Variants in PRKAA2 observed in about 807,000 individuals in gnomAD.
PRKAA2 encodes 5'-AMP-activated protein kinase catalytic subunit alpha-2.
Under a neutral mutation model 56.3 loss-of-function variants are expected in PRKAA2, and 40 were observed. That is an observed-to-expected ratio of 0.71 (90% CI 0.55 to 0.92). The LOEUF (loss-of-function observed/expected upper bound fraction) is 0.92. PRKAA2 is among the 40% of genes least tolerant of loss of function. The pLI is 0.00. For synonymous variants in PRKAA2, 214 were observed against 234.2 expected (o/e 0.91, Z 0.79); for missense variants, 542 against 686.9 (o/e 0.79, Z 2.36).
chr1:56,655,435 TTGAGTA>T (rs1643934518), intron 1 of PRKAA2, among the ~76,000 whole-genome samples: 2 of 150,182 alleles, frequency 1.3e-5, no homozygotes, highest in Non-Finnish European at 3.0e-5. Context: ...TTTAATGTGT[TTGAGTA>T]TAAGTTGGAA....
At chr1:56,703,136 G>A (rs1445935058) in intron 6 of PRKAA2, among the ~76,000 whole-genome samples, 1 of 152,126 alleles carries the variant, frequency 6.6e-6, no homozygotes, top group African/African-American at 2.4e-5. Flanking sequence ...CAAGCACAAA[G>A]GCCCAGAAGT....
intron 6 of PRKAA2, among the ~76,000 whole-genome samples, chr1:56,697,165 C>T (rs1569784659): frequency 6.6e-6 from 1 of 151,682 alleles, no homozygotes; most frequent in East Asian, 1.9e-4. Context: ...AGGCACAAGC[C>T]ACCACACCCA....
intron 1 of PRKAA2, among the ~76,000 whole-genome samples, chr1:56,659,576 C>T (rs954058695): frequency 8.6e-5 from 13 of 151,388 alleles, no homozygotes; most frequent in Admixed American, 4.6e-4. Flanking sequence ...CACAAATTAA[C>T]GTTTTAAAGA....
chr1:56,699,680 A>G (rs937761665), intron 6 of PRKAA2, among the ~76,000 whole-genome samples: 4 of 152,196 alleles, frequency 2.6e-5, no homozygotes, highest in Non-Finnish European at 5.9e-5. Flanking sequence ...ACAAAGTTCC[A>G]TAATCATTAC....
intron 2 of PRKAA2, among the ~76,000 whole-genome samples, chr1:56,689,154 A>G (rs1311019122): frequency 6.6e-6 from 1 of 152,194 alleles, no homozygotes; most frequent in Admixed American, 6.5e-5. Context: ...CAGAGCACAA[A>G]AGTGATTGAA....
At chr1:56,653,273 A>T (rs1569705548) in intron 1 of PRKAA2, among the ~76,000 whole-genome samples, 1 of 149,620 alleles carries the variant, frequency 6.7e-6, no homozygotes, top group Admixed American at 6.7e-5. Flanking sequence ...GATATATATA[A>T]TATATATATA....
rs1158031749 is a variant in PRKAA2 at position 56,707,739 on chromosome 1, T to TG, written c.*27dup. 6.5e-7 allele frequency: 1 copy of TG among 1,531,970 alleles called. No individual in the cohort carries two copies. The highest frequency in any genetic ancestry group is 1.4e-5 in the African/African-American group (1 of 72,716). 94.9% of individuals were successfully genotyped at this position (1,531,970 alleles called of 1,614,324 possible). On this transcript the variant is annotated 3_prime_UTR_variant, in exon 9 of 9. Transcript: ENST00000371244. ...TCTGTCTCTAGTTTCTTTCTGTTAT[T>TG]GCACTATGAAAATCAGTTATATTCT...
chr1:56,691,002 C>G (rs756110036), intron 2 of PRKAA2, among the ~76,000 whole-genome samples: 5 of 152,200 alleles, frequency 3.3e-5, no homozygotes, highest in Non-Finnish European at 7.3e-5. Flanking sequence ...CCACCTTGGC[C>G]TTCCAAAGTG....
At chr1:56,707,080 T>A (rs78472758) in intron 8 of PRKAA2, among the ~76,000 whole-genome samples, 216 of 152,288 alleles carry the variant, frequency 1.4e-3, no homozygotes, top group African/African-American at 4.8e-3. Context: ...CACTTTGCCC[T>A]CCACCTCCCC....
At chr1:56,660,984 A>G (rs1351410031) in intron 1 of PRKAA2, among the ~76,000 whole-genome samples, 1 of 152,104 alleles carries the variant, frequency 6.6e-6, no homozygotes, top group Non-Finnish European at 1.5e-5. Flanking sequence ...CCACGGGCAG[A>G]GGTGAAAGGA....
chr1:56,652,008 ATTTTTTTTT>A (rs35462805), intron 1 of PRKAA2, among the ~76,000 whole-genome samples: 1 of 106,536 alleles, frequency 9.4e-6, no homozygotes, highest in African/African-American at 3.8e-5. Context: ...CGCCTGGCTA[ATTTTTTTTT>A]TTTTTTTTTT....
intron 7 of PRKAA2, 64 bp from the exon 8 acceptor site, chr1:56,706,028 A>C: frequency 7.0e-7 from 1 of 1,419,296 alleles, no homozygotes; most frequent in Middle Eastern, 2.1e-4. Context: ...ATTTGTTTTG[A>C]CTTTTTTTGC....
intron 1 of PRKAA2, among the ~76,000 whole-genome samples, chr1:56,654,465 A>G (rs1289932854): frequency 1.3e-5 from 2 of 152,206 alleles, no homozygotes; most frequent in African/African-American, 4.8e-5. Context: ...GGAAGATCTA[A>G]TCTCAAATCC....
rs112796183 is a variant in PRKAA2 at position 56,674,197 on chromosome 1, C to G, written c.95-184C>G. Among the ~76,000 whole-genome samples the G allele has an allele frequency of 6.2e-3, 950 of 152,208 alleles. 16 individuals are homozygous for G. The highest frequency in any genetic ancestry group is 0.022 in the African/African-American group (903 of 41,544). On this transcript the variant is annotated intron_variant, in intron 1 of 8. Coordinates refer to ENST00000371244, the MANE Select transcript of PRKAA2 (RefSeq NM_006252.4). ...TACAGAGATGACTAAGATACAGTTT[C>G]TGTCCTCAGAGAGTGCATACTCTAA...
intron 5 of PRKAA2, among the ~76,000 whole-genome samples, chr1:56,695,166 C>CTA (rs1027140105): frequency 7.0e-6 from 1 of 142,652 alleles, no homozygotes; most frequent in Admixed American, 7.1e-5. Flanking sequence ...ATCTCTCTCT[C>CTA]TATATATATG....
At chr1:56,675,257 T>C (rs1644105154) in intron 2 of PRKAA2, among the ~76,000 whole-genome samples, 1 of 152,140 alleles carries the variant, frequency 6.6e-6, no homozygotes, top group African/African-American at 2.4e-5. Context: ...AATTGTCTTA[T>C]TTATCTTTAA....
At chr1:56,698,300 G>A (rs936776980) in intron 6 of PRKAA2, among the ~76,000 whole-genome samples, 1 of 151,848 alleles carries the variant, frequency 6.6e-6, no homozygotes. Context: ...AAAATACCAA[G>A]CATTCTGCTT....
rs752842791 is a variant in PRKAA2 at position 56,697,012 on chromosome 1, A to ATTTTTTTTTTTTTTTTTTTTTTT, written c.788+868_788+869insTTTTTTTTTTTTTTTTTTTTTTT. On this transcript the variant is annotated intron_variant, in intron 6 of 8. Coordinates refer to ENST00000371244, the MANE Select transcript of PRKAA2 (RefSeq NM_006252.4). ...CCTTTTCATCATTAGCCAGCAAAGA[A>ATTTTTTTTTTTTTTTTTTTTTTT]TTTTTTTTTTTTTTTAAGGCAGGGT... Among the ~76,000 whole-genome samples the ATTTTTTTTTTTTTTTTTTTTTTT allele has an allele frequency of 2.8e-4, 16 of 57,886 alleles. 6 individuals are homozygous for ATTTTTTTTTTTTTTTTTTTTTTT. Among genetic ancestry groups the ATTTTTTTTTTTTTTTTTTTTTTT allele is most frequent in the African/African-American group, 7.4e-4 (11 of 14,832 alleles). The allele number at this position is 57,886 out of a possible 152,430, so 38.0% of individuals were successfully genotyped here.
At chr1:56,691,931 T>A (rs768583244) in intron 3 of PRKAA2, among the ~76,000 whole-genome samples, 59 of 152,308 alleles carry the variant, frequency 3.9e-4, no homozygotes, top group Non-Finnish European at 7.5e-4. Context: ...TTGGTTTATT[T>A]TGTCTGATTT....
Sources: gnomAD v4.1 joint callset for allele counts (sites outside exome capture counted in the v4.1 genomes callset) on GRCh38, gnomAD v4.1.1 for gene constraint, MANE v1.5 for transcripts, NCBI Gene and HGNC (gene_info 2026-07-23, HGNC 2026-07-21) for gene names.